The following SGCZ variants were observed in gnomAD, a reference collection of about 807,000 sequenced individuals.
SGCZ encodes zeta-sarcoglycan.
In SGCZ, 40 loss-of-function variants were observed where a neutral mutation model predicts 41.3. That is an observed-to-expected ratio of 0.97 (90% CI 0.75 to 1.26). SGCZ has a LOEUF of 1.26. SGCZ is among the 50% of genes most tolerant of loss of function. The pLI is 0.00. For synonymous variants in SGCZ, 206 were observed against 137.5 expected (o/e 1.50, Z -3.49); for missense variants, 552 against 369.8 (o/e 1.49, Z -4.04).
chr8:14,761,890 C>T (rs1435946245), intron 1 of SGCZ, among the ~76,000 whole-genome samples: 1 of 152,100 alleles, frequency 6.6e-6, no homozygotes, highest in Non-Finnish European at 1.5e-5. Flanking sequence ...GCTAGAATTT[C>T]CATCAGTAGA....
At position 14,089,157 on chromosome 8, in the gene SGCZ, G is replaced by A. The variant is rs1801612715; in HGVS notation, c.*1286C>T. On this transcript the variant is annotated 3_prime_UTR_variant, in exon 8 of 8. Transcript: ENST00000382080. ...ACTAAGAGGTCATATACAAAAATAA[G>A]CATTGGAAAATGAAAAGAACTATAA... Among the ~76,000 whole-genome samples, 1 of 151,878 alleles carries A rather than the reference G, an allele frequency of 6.6e-6. No individual in the cohort carries two copies. The highest frequency in any genetic ancestry group is 1.5e-5 in the Non-Finnish European group (1 of 67,922).
chr8:14,207,372 G>C (rs1805650738), intron 4 of SGCZ, among the ~76,000 whole-genome samples: 1 of 152,168 alleles, frequency 6.6e-6, no homozygotes, highest in South Asian at 2.1e-4. Flanking sequence ...CCATGACAGA[G>C]TAGCATTAAG....
intron 1 of SGCZ, among the ~76,000 whole-genome samples, chr8:14,841,759 A>G (rs1802923636): frequency 6.6e-6 from 1 of 152,194 alleles, no homozygotes; most frequent in African/African-American, 2.4e-5. Flanking sequence ...AAATCACAGA[A>G]TATTAAGGGA....
chr8:14,452,819 G>C (rs1025739934), intron 2 of SGCZ, among the ~76,000 whole-genome samples: 1 of 151,998 alleles, frequency 6.6e-6, no homozygotes, highest in Non-Finnish European at 1.5e-5. Flanking sequence ...GAAGAGTAAG[G>C]GGCCGGGTGT....
intron 1 of SGCZ, among the ~76,000 whole-genome samples, chr8:14,742,759 G>A (rs879789393): frequency 3.3e-5 from 5 of 152,034 alleles, no homozygotes; most frequent in African/African-American, 4.8e-5. Context: ...TAGTTTTAGT[G>A]TACAAACATA....
intron 1 of SGCZ, among the ~76,000 whole-genome samples, chr8:14,849,709 G>A (rs938160362): frequency 7.2e-5 from 11 of 152,006 alleles, no homozygotes; most frequent in African/African-American, 1.7e-4. Context: ...CATAAGTTCC[G>A]TATCTTACAG....
At chr8:15,152,372 G>C (rs550026580) in intron 1 of SGCZ, among the ~76,000 whole-genome samples, 2 of 152,324 alleles carry the variant, frequency 1.3e-5, no homozygotes, top group African/African-American at 2.4e-5. Flanking sequence ...CAGTGGTACA[G>C]GATGCTCGAG....
At chr8:14,364,215 G>A (rs1005795185) in intron 2 of SGCZ, among the ~76,000 whole-genome samples, 12 of 100,798 alleles carry the variant, frequency 1.2e-4, no homozygotes, top group African/African-American at 3.3e-4. Context: ...TTAACTTAGA[G>A]CTTTTAATGT....
intron 1 of SGCZ, among the ~76,000 whole-genome samples, chr8:14,591,276 TA>T (rs1194331628): frequency 7.2e-5 from 11 of 151,978 alleles, no homozygotes; most frequent in African/African-American, 2.4e-5. Context: ...AATTGCAAAC[TA>T]AGTCTACTTA....
intron 1 of SGCZ, among the ~76,000 whole-genome samples, chr8:14,790,085 T>G (rs1800899421): frequency 6.6e-6 from 1 of 152,188 alleles, no homozygotes; most frequent in Non-Finnish European, 1.5e-5. Flanking sequence ...TGTCAATTTA[T>G]TTACATAATC....
chr8:14,770,268 A>G (rs1224100195), intron 1 of SGCZ, among the ~76,000 whole-genome samples: 2 of 151,728 alleles, frequency 1.3e-5, no homozygotes, highest in Admixed American at 6.6e-5. Flanking sequence ...GTGCCAAGAC[A>G]GACCCATCTG....
intron 2 of SGCZ, among the ~76,000 whole-genome samples, chr8:14,337,905 T>C (rs1168272359): frequency 1.3e-5 from 2 of 152,098 alleles, no homozygotes; most frequent in East Asian, 3.9e-4. Context: ...ATGAACAGAA[T>C]TATGGCAATG....
chr8:15,017,072 G>A (rs10113620), intron 1 of SGCZ, among the ~76,000 whole-genome samples: 2,385 of 152,036 alleles, frequency 0.016, 64 homozygotes, highest in African/African-American at 0.054. Flanking sequence ...GACTTGGAGG[G>A]GACAAACATC....
chr8:15,236,334 G>A (rs1230189552), intron 1 of SGCZ, among the ~76,000 whole-genome samples: 4 of 152,300 alleles, frequency 2.6e-5, no homozygotes, highest in Admixed American at 1.3e-4. Flanking sequence ...TGCAGACAGA[G>A]GCTTTGGAGC....
chr8:15,111,623 C>T (rs1045519174), intron 1 of SGCZ, among the ~76,000 whole-genome samples: 7 of 152,126 alleles, frequency 4.6e-5, no homozygotes, highest in Non-Finnish European at 7.4e-5. Context: ...ACATTTCGGC[C>T]GGGTGTGGTG....
At chr8:15,153,515 G>A (rs1799239326) in intron 1 of SGCZ, among the ~76,000 whole-genome samples, 1 of 152,106 alleles carries the variant, frequency 6.6e-6, no homozygotes, top group South Asian at 2.1e-4. Context: ...ATGTTGAAAT[G>A]TAACCCCCAA....
At chr8:14,988,841 C>T (rs909503115) in intron 1 of SGCZ, among the ~76,000 whole-genome samples, 1 of 152,140 alleles carries the variant, frequency 6.6e-6, no homozygotes, top group African/African-American at 2.4e-5. Flanking sequence ...CTGCTACCCT[C>T]ATTTATTTCT....
At chr8:14,570,405 G>A (rs1168306527) in intron 1 of SGCZ, among the ~76,000 whole-genome samples, 1 of 152,102 alleles carries the variant, frequency 6.6e-6, no homozygotes, top group Admixed American at 6.5e-5. Context: ...TACTCTTCTT[G>A]CTATTTATGT....
intron 1 of SGCZ, among the ~76,000 whole-genome samples, chr8:14,875,981 C>T (rs76905635): frequency 0.022 from 3,421 of 152,212 alleles, 46 homozygotes; most frequent in Middle Eastern, 0.044. Context: ...CAGCCAAACA[C>T]CAAACACAAA....
Sources: gnomAD v4.1 joint callset for allele counts (sites outside exome capture counted in the v4.1 genomes callset) on GRCh38, gnomAD v4.1.1 for gene constraint, MANE v1.5 for transcripts, NCBI Gene and HGNC (gene_info 2026-07-23, HGNC 2026-07-21) for gene names.